The following NPAS2 variants were observed in gnomAD, a reference collection of about 807,000 sequenced individuals.
NPAS2 encodes the protein neuronal PAS domain protein 2.
NPAS2 carries 23 observed loss-of-function variants against 107.5 expected under a neutral mutation model. The ratio of observed to expected loss-of-function variants is 0.21; its 90% CI spans 0.15 to 0.30. NPAS2 has a LOEUF of 0.30. Ranked by LOEUF, NPAS2 falls within the 10% of genes least tolerant of loss-of-function variation. NPAS2 has a pLI of 1.00. For missense variants in NPAS2, 756 were observed against 1,043.3 expected (o/e 0.72, Z 3.79); for synonymous variants, 403 against 417.5 (o/e 0.97, Z 0.42).
At chr2:100,949,579 C>T (rs1243888411) in intron 7 of NPAS2, 99 bp downstream of exon 7, 4 of 701,036 alleles carry the variant, frequency 5.7e-6, no homozygotes, top group South Asian at 3.3e-5. Flanking sequence ...AGGGAGAACG[C>T]GTGCTTTTCA....
At chr2:100,828,818 G>A (rs1676548689) in intron 1 of NPAS2, among the ~76,000 whole-genome samples, 1 of 152,162 alleles carries the variant, frequency 6.6e-6, no homozygotes, top group African/African-American at 2.4e-5. Flanking sequence ...ATAGTTAGAA[G>A]TTGGGTAATA....
rs1156802690 is a variant in NPAS2, at chr2:100,830,857, A to G, written c.-23+10443A>G. ...ATCATACGTCCACATAGGTCACGGG[A>G]CAAACAGTGCTGATCACTGCCTGTT... On this transcript the variant is annotated intron_variant, in intron 1 of 20. Coordinates refer to ENST00000335681, the MANE Select transcript of NPAS2 (RefSeq NM_002518.4). 2.0e-5 allele frequency among the ~76,000 whole-genome samples: 3 copies of G among 152,212 alleles called. No homozygotes were observed. In the East Asian group the frequency reaches 5.8e-4, roughly 29 times the overall value.
intron 2 of NPAS2, 116 bp downstream of exon 2, chr2:100,904,902 T>G (rs1682042080): frequency 9.5e-6 from 7 of 733,324 alleles, no homozygotes; most frequent in Non-Finnish European, 1.7e-5. Flanking sequence ...GATAGGCAGC[T>G]GTAGGACACA....
intron 1 of NPAS2, among the ~76,000 whole-genome samples, chr2:100,869,181 C>T (rs1679422531): frequency 1.3e-5 from 2 of 152,170 alleles, no homozygotes; most frequent in Non-Finnish European, 2.9e-5. Flanking sequence ...AGTGATCCAC[C>T]TGCCTCGGCC....
intron 2 of NPAS2, 77 bp from the exon 3 acceptor site, chr2:100,925,069 T>C: frequency 6.8e-7 from 1 of 1,469,194 alleles, no homozygotes; most frequent in Non-Finnish European, 9.2e-7. Flanking sequence ...TGTGCTCTAA[T>C]AGAAAGTGCT....
intron 7 of NPAS2, among the ~76,000 whole-genome samples, chr2:100,955,045 T>C (rs891905744): frequency 7.9e-5 from 12 of 152,198 alleles, no homozygotes; most frequent in East Asian, 3.9e-4. Flanking sequence ...GCCTGGCTAA[T>C]TTTTGTATTT....
rs988652034 is a variant in NPAS2, at chr2:100,926,227, G to A, written c.181+933G>A. On this transcript the variant is annotated intron_variant, in intron 3 of 20. Coordinates refer to ENST00000335681, the MANE Select transcript of NPAS2 (RefSeq NM_002518.4). The stretch of plus-strand genomic sequence containing the variant: ...ACAATTTTTGGAAATTATGAATGAT[G>A]CTGCTGTGAACATTCATGTACAAAT... Among the ~76,000 whole-genome samples the A allele has an allele frequency of 3.9e-5, 6 of 152,130 alleles. No individual in the cohort carries two copies. In the East Asian group the frequency reaches 5.8e-4, roughly 15 times the overall value.
intron 1 of NPAS2, among the ~76,000 whole-genome samples, chr2:100,851,962 T>C (rs534151885): frequency 6.6e-6 from 1 of 152,220 alleles, no homozygotes; most frequent in Non-Finnish European, 1.5e-5. Flanking sequence ...TAGACCCTGG[T>C]GGAGGAGGCT....
chr2:100,857,385 T>C (rs928508445), intron 1 of NPAS2, among the ~76,000 whole-genome samples: 6 of 151,232 alleles, frequency 4.0e-5, no homozygotes, highest in Admixed American at 3.9e-4. Context: ...AGCCCTTCCA[T>C]ATAGTAGATG....
At chr2:100,953,726 C>T (rs1389356839) in intron 7 of NPAS2, among the ~76,000 whole-genome samples, 13 of 152,120 alleles carry the variant, frequency 8.5e-5, no homozygotes, top group Non-Finnish European at 5.9e-5. Flanking sequence ...CCCTCTAACC[C>T]GGAGCCCACA....
At chr2:100,931,503 T>C (rs1335165274) in intron 3 of NPAS2, among the ~76,000 whole-genome samples, 1 of 148,108 alleles carries the variant, frequency 6.8e-6, no homozygotes, top group African/African-American at 2.5e-5. Context: ...TTTTTTTTTT[T>C]TGACATGGAG....
chr2:100,871,201 G>T (rs1430768188), intron 1 of NPAS2, among the ~76,000 whole-genome samples: 1 of 152,078 alleles, frequency 6.6e-6, no homozygotes. Context: ...ATTACCTTTG[G>T]CTACTTTCCC....
At chr2:100,883,560 A>G (rs571064722) in intron 1 of NPAS2, among the ~76,000 whole-genome samples, 2 of 152,132 alleles carry the variant, frequency 1.3e-5, no homozygotes, top group South Asian at 4.2e-4. Flanking sequence ...GAATGGCTCT[A>G]ATTTGTCACC....
intron 17 of NPAS2, chr2:100,988,841 C>G (rs1349360663): frequency 4.0e-6 from 1 of 251,102 alleles, no homozygotes; most frequent in Non-Finnish European, 7.5e-6. Flanking sequence ...CCTGCTCCTC[C>G]AGGCCCCCAC....
At position 100,974,862 on chromosome 2, in the gene NPAS2, G is replaced by C. The variant is rs144494121; in HGVS notation, c.1200G>C (p.Ser400=). 1.9e-6 allele frequency: 3 copies of C among 1,613,952 alleles called. No homozygotes were observed. Among genetic ancestry groups the C allele is most frequent in the African/African-American group, 2.7e-5 (2 of 74,892 alleles). Residue 400 remains serine (S), a synonymous_variant, in exon 13 of 21, where the codon TCG becomes TCC. Coordinates refer to ENST00000335681, the MANE Select transcript of NPAS2 (RefSeq NM_002518.4). ...QHFNTLDVGA[S]GLNTSHSPSA... is the part of the protein sequence containing the mutation. The stretch of plus-strand genomic sequence containing the variant: ...TTAACACACTCGACGTGGGTGCCTC[G>C]GGCCTTAATACCAGTCATTCGCCAT...
At chr2:100,925,316 G>GT (rs781095399) in intron 3 of NPAS2, 22 bp downstream of exon 3, 28 of 1,603,794 alleles carry the variant, frequency 1.7e-5, no homozygotes, top group South Asian at 3.3e-5. Flanking sequence ...CCTTCTCTCT[G>GT]TTTTTTTTCC....
intron 20 of NPAS2, chr2:100,994,531 C>A (rs1057089451): frequency 1.3e-5 from 2 of 152,274 alleles, no homozygotes; most frequent in African/African-American, 2.4e-5. Flanking sequence ...ATACAGAGAG[C>A]GCTTCGGCCC....
At chr2:100,838,389 T>C (rs1329378053) in intron 1 of NPAS2, among the ~76,000 whole-genome samples, 1 of 152,148 alleles carries the variant, frequency 6.6e-6, no homozygotes, top group African/African-American at 2.4e-5. Flanking sequence ...ACGATTCTTC[T>C]GCCTCCACCT....
In NPAS2 at chr2:100,824,588, G is replaced by A. The variant is rs1165854996; in HGVS notation, c.-23+4174G>A. Among the ~76,000 whole-genome samples, 4 of 152,118 alleles carry A rather than the reference G, an allele frequency of 2.6e-5. No homozygotes were observed. The South Asian group carries it at 6.2e-4, about 24-fold the overall frequency. On this transcript the variant is annotated intron_variant, in intron 1 of 20. Transcript: ENST00000335681. ...GAGTTACTTGAAACTAGTGCCGAGC[G>A]TGTTGGAATTCACCTGGGGTGCCTT...
Sources: allele counts gnomAD v4.1 joint callset (sites outside exome capture counted in the v4.1 genomes callset), GRCh38; gene constraint gnomAD v4.1.1; transcripts MANE v1.5; gene names NCBI Gene and HGNC (gene_info 2026-07-23, HGNC 2026-07-21).